The following GSG1 variants were observed in gnomAD, a reference collection of about 807,000 sequenced individuals.
The protein encoded by GSG1 is germ cell associated 1.
In GSG1, 28 loss-of-function variants were observed where a neutral mutation model predicts 30.8. The ratio of observed to expected loss-of-function variants is 0.91; its 90% confidence interval spans 0.67 to 1.25. The LOEUF (loss-of-function observed/expected upper bound fraction) is 1.25. Among genes scored for constraint, GSG1 ranks in the 50% most tolerant of loss-of-function variants. The pLI is 0.00. For missense variants in GSG1, 435 were observed against 444.7 expected, an observed-to-expected ratio of 0.98 and a Z score of 0.20; for synonymous variants, 162 against 178.0, an observed-to-expected ratio of 0.91 and a Z score of 0.71.
chr12:13,102,187 T>G (rs1340065428), intron 1 of GSG1, among the ~76,000 whole-genome samples: 3 of 152,098 alleles, frequency 2.0e-5, no homozygotes, highest in Non-Finnish European at 4.4e-5. Flanking sequence ...AATGGTAAAG[T>G]CAACACTGGC....
intron 1 of GSG1, chr12:13,095,511 C>A (rs2291396): frequency 0.36 from 436,470 of 1,205,978 alleles, 83,857 homozygotes; most frequent in Non-Finnish European, 0.4. Flanking sequence ...GACAACAGAT[C>A]GATGAGGCAG....
At chr12:13,094,819 C>T (rs956193262) in intron 1 of GSG1, among the ~76,000 whole-genome samples, 9 of 152,240 alleles carry the variant, frequency 5.9e-5, no homozygotes, top group Middle Eastern at 6.8e-3. Flanking sequence ...CACACTCAAT[C>T]CATTTCAAGT....
Position 13,088,888 on chromosome 12 carries a change from A to T in GSG1, c.455T>A (p.Ile152Asn). Reference sequence around the variant, plus strand: ...TCTCTTGGCTGGTGGTGTAAGTTCAATGAAACTTCGGCACCTCTCCCCTGA... The same window carrying T: ...TCTCTTGGCTGGTGGTGTAAGTTCATTGAAACTTCGGCACCTCTCCCCTGA... ...AAKGERCRSF[I>N]ELTPPAKREI... The change falls in exon 4 of 7, where the codon ATT (isoleucine) becomes AAT (asparagine). Residue 152 changes from isoleucine to asparagine, a missense_variant. Physicochemically the swap from Ile to Asn is moderately radical, Grantham distance 149 (BLOSUM62 -3). Coordinates refer to ENST00000651961, the MANE Select transcript of GSG1 (RefSeq NM_001080555.4). The T allele has an allele frequency of 6.2e-7, 1 of 1,614,214 alleles. No homozygotes were observed. Among genetic ancestry groups the T allele is most frequent in the Non-Finnish European group, 8.5e-7 (1 of 1,180,046 alleles).
In GSG1 at chr12:13,084,089, A is replaced by G. The variant is rs1283960107; in HGVS notation, c.*812T>C. 1 of 152,206 alleles carries G rather than the reference A, an allele frequency of 6.6e-6. No individual in the cohort carries two copies. Among genetic ancestry groups the G allele is most frequent in the Non-Finnish European group, 1.5e-5 (1 of 68,038 alleles). The allele number at this position is 152,206 out of a possible 1,614,324, so 9.4% of individuals were successfully genotyped here. A position where few individuals can be genotyped will look rare whatever the true frequency, so the allele number is the denominator to read the frequency against. ...TGGGTCAAATGGTATTTCTAGGTCT[A>G]GATTCTTGAGGAATCAGATGGGTGG... On this transcript the variant is annotated 3_prime_UTR_variant, in exon 7 of 7. Transcript: ENST00000651961.
At chr12:13,095,725 A>G in intron 1 of GSG1, 2 of 1,565,952 alleles carry the variant, frequency 1.3e-6, no homozygotes, top group Non-Finnish European at 8.6e-7. Context: ...CTCTCCTCCT[A>G]CCCCTCCCCT....
At chr12:13,098,330 C>T (rs1466174889) in intron 1 of GSG1, among the ~76,000 whole-genome samples, 6 of 151,778 alleles carry the variant, frequency 4.0e-5, no homozygotes, top group Non-Finnish European at 1.5e-5. Flanking sequence ...TTTAATTTGG[C>T]ATCCTCCCTG....
intron 1 of GSG1, among the ~76,000 whole-genome samples, chr12:13,095,087 T>C (rs76389817): frequency 1.7e-3 from 264 of 152,322 alleles, no homozygotes; most frequent in African/African-American, 5.9e-3. Context: ...AGGAACCTCA[T>C]TCAAAAATCA....
intron 1 of GSG1, among the ~76,000 whole-genome samples, chr12:13,097,803 C>CCT (rs1267822270): frequency 1.3e-5 from 2 of 152,086 alleles, no homozygotes; most frequent in Non-Finnish European, 2.9e-5. Context: ...TTAATAAAAC[C>CCT]CTCTGTATCC....
At position 13,099,750 on chromosome 12, in the gene GSG1, G is replaced by GTTTTTTTTTTTTTTT. The variant is rs57762367; in HGVS notation, c.48+3700_48+3714dup. On this transcript the variant is annotated intron_variant, in intron 1 of 6. Transcript: ENST00000651961. ...GCTAAGGGATCCGGTGTTTTTTTTT[G>GTTTTTTTTTTTTTTT]TTTTTTTTTTTTTTTTTTGTTTTTT... Among the ~76,000 whole-genome samples, 393 of 114,782 alleles carry GTTTTTTTTTTTTTTT rather than the reference G, an allele frequency of 3.4e-3. 4 individuals are homozygous for GTTTTTTTTTTTTTTT. Among genetic ancestry groups the GTTTTTTTTTTTTTTT allele is most frequent in the East Asian group, 5.7e-3 (17 of 2,982 alleles). 75.3% of individuals were successfully genotyped at this position (114,782 alleles called of 152,430 possible).
Position 13,087,196 on chromosome 12 carries a change from T to G in GSG1, c.702A>C (p.Pro234=). Residue 234 remains proline, a synonymous_variant, in exon 6 of 7, where the codon CCA becomes CCC. Coordinates refer to ENST00000651961, the MANE Select transcript of GSG1 (RefSeq NM_001080555.4). The stretch of plus-strand genomic sequence containing the variant: ...TCCAAACATGTGGTCTCCAGTCTTC[T>G]GGACCCAAGTTGACAGTCGCTTGGA... ...QVFQATVNLG[P]EDWRPHVWNY... is the part of the protein sequence containing the mutation. The G allele has an allele frequency of 6.2e-7, 1 of 1,614,118 alleles. No homozygotes were observed. The highest frequency in any genetic ancestry group is 8.5e-7 in the Non-Finnish European group (1 of 1,179,962).
chr12:13,101,336 A>T lies in GSG1; in HGVS notation c.48+2129T>A. The stretch of plus-strand genomic sequence containing the variant: ...AGCAGCGGGGCGCGTTGCCGCGGCG[A>T]CAGGCCGGCCGTGTTTGGCATTGTT... On this transcript the variant is annotated intron_variant, in intron 1 of 6. Coordinates refer to ENST00000651961, the MANE Select transcript of GSG1 (RefSeq NM_001080555.4). This position sits in a 1 kb window ranked among gnomAD's most constrained non-coding sequence, Gnocchi z 5.8. 6.6e-6 allele frequency among the ~76,000 whole-genome samples: 1 copy of T among 152,076 alleles called. No homozygotes were observed. Among genetic ancestry groups the T allele is most frequent in the Admixed American group, 6.5e-5 (1 of 15,284 alleles).
intron 1 of GSG1, among the ~76,000 whole-genome samples, chr12:13,099,750 G>GGTTTTTTT (rs1863020506): frequency 2.6e-5 from 3 of 114,832 alleles, no homozygotes; most frequent in African/African-American, 9.3e-5. Context: ...GTTTTTTTTT[G>GGTTTTTTT]TTTTTTTTTT....
chr12:13,089,538 G>C (rs1200072742), intron 2 of GSG1, among the ~76,000 whole-genome samples: 1 of 152,202 alleles, frequency 6.6e-6, no homozygotes, highest in Non-Finnish European at 1.5e-5. Flanking sequence ...TGCTTTGCTA[G>C]TGTGCACTGA....
chr12:13,100,636 G>A (rs547456548), intron 1 of GSG1, among the ~76,000 whole-genome samples: 2 of 152,302 alleles, frequency 1.3e-5, no homozygotes, highest in African/African-American at 4.8e-5. Flanking sequence ...TGCTCTAACT[G>A]CAATGTTTAC....
At chr12:13,092,412 C>T (rs572149663) in intron 1 of GSG1, among the ~76,000 whole-genome samples, 16 of 152,232 alleles carry the variant, frequency 1.1e-4, no homozygotes, top group African/African-American at 2.9e-4. Context: ...CATTTGATAC[C>T]ACTGCTGGCC....
intron 1 of GSG1, among the ~76,000 whole-genome samples, chr12:13,098,651 A>G (rs1862929376): frequency 6.6e-6 from 1 of 151,690 alleles, no homozygotes; most frequent in Non-Finnish European, 1.5e-5. Context: ...CCACCCCAGA[A>G]CAGTGAACAA....
rs1249397595 is a variant in GSG1 at position 13,085,056 on chromosome 12, A to G, written c.934T>C (p.Leu312=). Residue 312 remains leucine (L), a synonymous_variant, in exon 7 of 7, where the codon TTG becomes CTG. Coordinates refer to ENST00000651961, the MANE Select transcript of GSG1 (RefSeq NM_001080555.4). The part of the protein sequence containing the change: ...LSSAAPTVGP[L]TSYHQYHNQP... ...TTATGATACTGGTGGTAGCTGGTCA[A>G]AGGACCCACGGTGGGGGCTGCACTT... is the stretch of plus-strand genomic sequence containing the variant. 4.4e-6 allele frequency: 7 copies of G among 1,601,998 alleles called. No homozygotes were observed. The African/African-American group carries it at 5.3e-5, about 12-fold the overall frequency.
intron 1 of GSG1, among the ~76,000 whole-genome samples, chr12:13,096,886 G>A (rs1184993115): frequency 6.6e-6 from 1 of 151,984 alleles, no homozygotes; most frequent in South Asian, 2.1e-4. Flanking sequence ...TCAGGAGTTC[G>A]AGACCAGCTT....
intron 2 of GSG1, 24 bp from the exon 3 acceptor site, chr12:13,089,300 A>G: frequency 6.4e-7 from 1 of 1,550,784 alleles, no homozygotes; most frequent in East Asian, 2.4e-5. Flanking sequence ...TAATAAATAT[A>G]AATGTAAATA....
Sources: allele counts gnomAD v4.1 joint callset (sites outside exome capture counted in the v4.1 genomes callset), GRCh38; gene constraint gnomAD v4.1.1; non-coding constraint Gnocchi (gnomAD v3.1); transcripts MANE v1.5; gene names NCBI Gene and HGNC (gene_info 2026-07-23, HGNC 2026-07-21).